The following DENND10 variants were observed in gnomAD, a reference collection of about 807,000 sequenced individuals.
The protein encoded by DENND10 is DENN domain-containing protein 10.
DENND10 carries 24 observed loss-of-function variants against 43.6 expected under a neutral mutation model. The observed-to-expected ratio is 0.55, with a 90% CI of 0.40 to 0.77. The LOEUF (loss-of-function observed/expected upper bound fraction) is 0.77. Ranked by LOEUF, DENND10 falls within the 30% of genes least tolerant of loss-of-function variation. DENND10 has a pLI of 0.00. For missense variants in DENND10, 303 were observed against 429.9 expected (o/e 0.70, Z 2.61); for synonymous variants, 125 against 157.6 (o/e 0.79, Z 1.55).
At chr10:119,124,397 C>T (rs1157328918) in intron 6 of DENND10, among the ~76,000 whole-genome samples, 5 of 146,564 alleles carry the variant, frequency 3.4e-5, no homozygotes, top group Non-Finnish European at 7.5e-5. Context: ...AAAAATTAGC[C>T]GGGTGTGGTG....
Position 119,129,575 on chromosome 10 carries a change from T to C in DENND10, c.755T>C (p.Phe252Ser). Residue 252 changes from phenylalanine (F) to serine (S), a missense_variant, in exon 7 of 9, where the codon TTT becomes TCT. Phe to Ser is a radical substitution (Grantham distance 155). Transcript: ENST00000361432. The part of the protein sequence containing the change: ...VSNRPDLYDV[F>S]VNLAESEITI... ...AACAGACCAGACCTCTATGATGTGT[T>C]TGTGAATCTGGCAGAGAGTGAGATT... is the stretch of plus-strand genomic sequence containing the variant. 6.2e-7 allele frequency: 1 copy of C among 1,613,926 alleles called. No individual in the cohort carries two copies. The highest frequency in any genetic ancestry group is 1.3e-5 in the African/African-American group (1 of 75,038).
At chr10:119,110,964 A>T (rs1844945022) in intron 2 of DENND10, among the ~76,000 whole-genome samples, 1 of 152,176 alleles carries the variant, frequency 6.6e-6, no homozygotes, top group East Asian at 1.9e-4. Context: ...TTTTCAGCAT[A>T]AAGAAAAGAT....
chr10:119,108,273 A>G (rs1844795811), intron 2 of DENND10, 109 bp downstream of exon 2: 1 of 784,450 alleles, frequency 1.3e-6, no homozygotes, highest in Non-Finnish European at 2.2e-6. Flanking sequence ...TCACAAGGTC[A>G]AGAGATTCAG....
chr10:119,118,837 ATTTTTT>A (rs33924884), intron 4 of DENND10, among the ~76,000 whole-genome samples: 1 of 84,232 alleles, frequency 1.2e-5, no homozygotes. Flanking sequence ...TGCCCAGCTA[ATTTTTT>A]TTTTTTTTTT....
chr10:119,135,094 G>A (rs1484764818), intron 8 of DENND10: 3 of 151,494 alleles, frequency 2.0e-5, no homozygotes, highest in Non-Finnish European at 2.9e-5. Context: ...CAACCCGGGA[G>A]GCGGGGGTTG....
chr10:119,105,643 A>G, intron 1 of DENND10: 1 of 406,878 alleles, frequency 2.5e-6, no homozygotes, highest in Admixed American at 6.1e-5. Context: ...ATGACATATG[A>G]TCATATTTTG....
intron 1 of DENND10, among the ~76,000 whole-genome samples, chr10:119,106,763 G>A (rs183867324): frequency 5.7e-4 from 86 of 152,170 alleles, no homozygotes; most frequent in Non-Finnish European, 4.4e-5. Flanking sequence ...AAAATTATTC[G>A]GCTGGGCACG....
intron 5 of DENND10, among the ~76,000 whole-genome samples, chr10:119,121,991 T>G (rs1159302770): frequency 2.0e-5 from 3 of 152,122 alleles, no homozygotes; most frequent in Non-Finnish European, 4.4e-5. Context: ...GGAGGGCAAC[T>G]TATTAGCTCT....
intron 1 of DENND10, among the ~76,000 whole-genome samples, chr10:119,106,683 G>T (rs1439224811): frequency 6.6e-6 from 1 of 152,174 alleles, no homozygotes; most frequent in East Asian, 1.9e-4. Context: ...ATGCAACATG[G>T]TTTGAAATAT....
At chr10:119,129,770 C>T (rs936283757) in intron 7 of DENND10, 148 bp downstream of exon 7, 3 of 633,096 alleles carry the variant, frequency 4.7e-6, no homozygotes, top group African/African-American at 1.8e-5. Flanking sequence ...ACATTTATTC[C>T]TATAAACATA....
At chr10:119,110,143 C>A (rs775516653) in intron 2 of DENND10, among the ~76,000 whole-genome samples, 1 of 151,872 alleles carries the variant, frequency 6.6e-6, no homozygotes, top group Non-Finnish European at 1.5e-5. Flanking sequence ...GTAATGAAAT[C>A]TTTGGTTTAT....
intron 1 of DENND10, among the ~76,000 whole-genome samples, 181 bp downstream of exon 1, chr10:119,104,378 C>A (rs954204622): frequency 6.6e-6 from 1 of 151,396 alleles, no homozygotes; most frequent in Non-Finnish European, 1.5e-5. Context: ...TGCAGGGGAC[C>A]CGGCCCGCCG....
intron 6 of DENND10, among the ~76,000 whole-genome samples, chr10:119,125,005 C>G (rs1845761953): frequency 6.6e-6 from 1 of 150,984 alleles, no homozygotes; most frequent in Non-Finnish European, 1.5e-5. Flanking sequence ...GAGTTTTGTT[C>G]TTGTTGTCCA....
intron 4 of DENND10, among the ~76,000 whole-genome samples, chr10:119,117,980 AAAC>A (rs1423257855): frequency 2.6e-5 from 4 of 152,130 alleles, no homozygotes; most frequent in Non-Finnish European, 4.4e-5. Flanking sequence ...AAAAAACAAA[AAAC>A]AAAAAAAAGA....
intron 4 of DENND10, among the ~76,000 whole-genome samples, chr10:119,118,499 C>T (rs1233662654): frequency 6.6e-6 from 1 of 152,190 alleles, no homozygotes; most frequent in Admixed American, 6.6e-5. Context: ...GCGAGGGGAA[C>T]TCTGAAGGCG....
intron 3 of DENND10, among the ~76,000 whole-genome samples, chr10:119,117,134 G>A (rs1845327628): frequency 6.6e-6 from 1 of 152,058 alleles, no homozygotes; most frequent in African/African-American, 2.4e-5. Context: ...CACTTTAGGA[G>A]GCTGAGGTGG....
chr10:119,118,888 G>A (rs1589728065), intron 4 of DENND10, among the ~76,000 whole-genome samples: 1 of 144,754 alleles, frequency 6.9e-6, no homozygotes, highest in East Asian at 2.0e-4. Context: ...GTGTCACCCA[G>A]GCTGGAGTGC....
chr10:119,132,730 TAG>T lies in DENND10; in HGVS notation c.897+126_897+127del. The T allele has an allele frequency of 1.3e-6, 1 of 798,344 alleles. No individual in the cohort carries two copies. Among genetic ancestry groups the T allele is most frequent in the Non-Finnish European group, 2.2e-6 (1 of 457,990 alleles). The allele number at this position is 798,344 out of a possible 1,614,324, so 49.5% of individuals were successfully genotyped here. On this transcript the variant is annotated intron_variant, in intron 8 of 8. Transcript: ENST00000361432. The surrounding 1 kb of genome is among the most constrained non-coding windows in gnomAD (Gnocchi z 4.2). ...TGGTAGAGGCCAGCGGGCAGGTGCT[TAG>T]AGAGGGTTTACAGACGGCCACAGTG...
rs371129979 is a variant in DENND10 at position 119,107,964 on chromosome 10, G to A, written c.56-4G>A. ...TTCTCACAGTGACCATCTTTCCACC[G>A]TAGAAAAGGACACAAATGGAGAAGT... On this transcript the variant is annotated splice_polypyrimidine_tract_variant and splice_region_variant and intron_variant, in intron 1 of 8. Transcript: ENST00000361432. 33 of 1,613,536 alleles carry A rather than the reference G, an allele frequency of 2.0e-5. No individual in the cohort carries two copies. The Middle Eastern group carries it at 8.2e-4, about 40-fold the overall frequency.
Sources: gnomAD v4.1 joint callset for allele counts (sites outside exome capture counted in the v4.1 genomes callset) on GRCh38, gnomAD v4.1.1 for gene constraint, Gnocchi (gnomAD v3.1) non-coding constraint, MANE v1.5 for transcripts, NCBI Gene and HGNC (gene_info 2026-07-23, HGNC 2026-07-21) for gene names.